The following RUBCN variants were observed in gnomAD, a reference collection of about 807,000 sequenced individuals.
The protein encoded by RUBCN is run domain Beclin-1-interacting and cysteine-rich domain-containing protein.
In RUBCN, 74 loss-of-function variants were observed where a neutral mutation model predicts 113.2. The observed-to-expected ratio is 0.65, with a 90% confidence interval of 0.54 to 0.79. The LOEUF is 0.79. Ranked by LOEUF, RUBCN falls within the 30% of genes least tolerant of loss-of-function variation. The pLI is 0.00. For synonymous variants in RUBCN, 480 were observed against 490.0 expected (o/e 0.98, Z 0.27); for missense variants, 1,109 against 1,251.7 (o/e 0.89, Z 1.72).
At position 197,718,027 on chromosome 3, in the gene RUBCN, G is replaced by T; in HGVS notation, c.169C>A (p.Leu57Ile). The T allele has an allele frequency of 6.2e-7, 1 of 1,614,186 alleles. No individual in the cohort carries two copies. The highest frequency in any genetic ancestry group is 8.5e-7 in the Non-Finnish European group (1 of 1,180,038). ...AGGATGCTCTGCATGTCCCTGCAAA[G>T]CCGCTCCAAGCCACCATACTTAGAC... ...VWSKYGGLERLCRDMQSILYH... is the reference protein window; with the variant it reads ...VWSKYGGLERICRDMQSILYH... Residue 57 changes from leucine (L) to isoleucine (I), a missense_variant, in exon 2 of 20, where the codon CTT becomes ATT. Leu to Ile is a conservative substitution (Grantham distance 5, BLOSUM62 2). Transcript: ENST00000296343.
At chr3:197,719,665 T>C (rs1443835790) in intron 1 of RUBCN, among the ~76,000 whole-genome samples, 1 of 152,112 alleles carries the variant, frequency 6.6e-6, no homozygotes, top group African/African-American at 2.4e-5. Flanking sequence ...CAATGAAGTG[T>C]CCCTAAGGTG....
chr3:197,749,394 C>T (rs1728904170), exon 1 of RUBCN: 6 of 1,191,152 alleles, frequency 5.0e-6, no homozygotes, highest in Non-Finnish European at 6.4e-6. Flanking sequence ...TAAGGTGACG[C>T]AGGAACCGTC....
intron 7 of RUBCN, 135 bp from the exon 8 acceptor site, chr3:197,697,184 CG>C (rs1723110251): frequency 1.5e-6 from 1 of 669,884 alleles, no homozygotes; most frequent in Non-Finnish European, 2.8e-6. Flanking sequence ...GGCACACCAA[CG>C]GAACAGCCCA....
intron 1 of RUBCN, among the ~76,000 whole-genome samples, chr3:197,732,951 T>C (rs1276967132): frequency 6.6e-6 from 1 of 152,204 alleles, no homozygotes; most frequent in Admixed American, 6.5e-5. Flanking sequence ...CGTATCAGGC[T>C]CTCAGGAGCT....
chr3:197,745,378 G>A (rs1485289939), intron 1 of RUBCN, among the ~76,000 whole-genome samples: 1 of 152,018 alleles, frequency 6.6e-6, no homozygotes, highest in Non-Finnish European at 1.5e-5. Context: ...CACTTTGGGA[G>A]GCTGAGGCGG....
At chr3:197,749,300 G>A in exon 1 of RUBCN, 1 of 1,129,616 alleles carries the variant, frequency 8.9e-7, no homozygotes, top group South Asian at 1.9e-5. Context: ...TCTTATTAGG[G>A]TAGTGAACAC....
chr3:197,729,738 T>C (rs1433628616), intron 1 of RUBCN, among the ~76,000 whole-genome samples: 1 of 151,986 alleles, frequency 6.6e-6, no homozygotes, highest in Admixed American at 6.6e-5. Context: ...TTTGTATTTT[T>C]AGTAGAGACA....
At position 197,704,771 on chromosome 3, in the gene RUBCN, C is replaced by T. The variant is rs1238876404; in HGVS notation, c.304-70G>A. On this transcript the variant is annotated intron_variant, in intron 3 of 19. Coordinates refer to ENST00000296343, the MANE Select transcript of RUBCN (RefSeq NM_014687.4). ...TACGGCAAGATTGAGGCCTAATGACCTGAGAACTAAATTGAGACAGGTAAG... is the reference window on the plus strand; with the variant it reads ...TACGGCAAGATTGAGGCCTAATGACTTGAGAACTAAATTGAGACAGGTAAG... 1.9e-5 allele frequency: 28 copies of T among 1,487,482 alleles called. 1 individual carries two copies. The South Asian group carries it at 2.2e-4, about 12-fold the overall frequency. 92.1% of individuals were successfully genotyped at this position (1,487,482 alleles called of 1,614,324 possible).
chr3:197,721,593 T>C (rs927365129), intron 1 of RUBCN, among the ~76,000 whole-genome samples: 4 of 152,126 alleles, frequency 2.6e-5, no homozygotes, highest in African/African-American at 7.2e-5. Context: ...CTCTATTTCA[T>C]TTATTTCTGC....
Position 197,704,699 on chromosome 3 carries a change from G to T in RUBCN, c.306C>A (p.Phe102Leu), listed in dbSNP as rs1233396639. The T allele has an allele frequency of 4.3e-6, 7 of 1,613,496 alleles. No homozygotes were observed. The highest frequency in any genetic ancestry group is 3.3e-5 in the Admixed American group (2 of 59,996). Residue 102 changes from phenylalanine to leucine, a missense_variant and splice_region_variant, in exon 4 of 20, where the codon TTC becomes TTA. Phe to Leu is a conservative substitution (Grantham distance 22, BLOSUM62 0). Coordinates refer to ENST00000296343, the MANE Select transcript of RUBCN (RefSeq NM_014687.4). Reference protein sequence around the residue: ...SPHSALHVEKFISVHENDQSS... With the variant: ...SPHSALHVEKLISVHENDQSS... ...TCTGGTCGTTCTCGTGCACGCTGAT[G>T]AACTGGGAAGCAAAGGGGCATGAGT...
intron 9 of RUBCN, 73 bp downstream of exon 9, chr3:197,695,793 A>G: frequency 7.4e-7 from 1 of 1,350,736 alleles, no homozygotes; most frequent in South Asian, 1.2e-5. Context: ...CCTCATCAGA[A>G]CAAATGGCAC....
chr3:197,703,718 G>A lies in RUBCN; in HGVS notation c.464-64C>T, dbSNP rs1462793360. The stretch of plus-strand genomic sequence containing the variant: ...AGGGAGGCCTTGAGAGAAGCTTGAG[G>A]AAGCAGAAAGGGAGAGGTAAGGATG... On this transcript the variant is annotated intron_variant, in intron 4 of 19. Transcript: ENST00000296343. 8.1e-6 allele frequency: 8 copies of A among 982,808 alleles called. No individual in the cohort carries two copies. In the Admixed American group the frequency reaches 9.5e-5, roughly 12 times the overall value. The allele number at this position is 982,808 out of a possible 1,614,324, so 60.9% of individuals were successfully genotyped here. A position where few individuals can be genotyped will look rare whatever the true frequency, so the allele number is the denominator to read the frequency against.
intron 1 of RUBCN, chr3:197,748,181 G>C (rs1359055824): frequency 1.3e-5 from 2 of 151,698 alleles, no homozygotes; most frequent in Non-Finnish European, 2.9e-5. Flanking sequence ...CCTGACCTCA[G>C]GTGATCCGCC....
rs538075056 is a variant in RUBCN, at chr3:197,681,288, G to A, written c.2271C>T (p.Ala757=). The A allele has an allele frequency of 4.3e-6, 7 of 1,614,214 alleles. No homozygotes were observed. In the South Asian group the frequency reaches 6.6e-5, roughly 15 times the overall value. ...CQCCHENAQM[A]IPSRVLRKWD... ...ACTTGCGCAGAACCCGGCTGGGGAT[G>A]GCCATCTGGGCATTCTCGTGGCAGC... Residue 757 remains alanine (A), a synonymous_variant, in exon 16 of 20, where the codon GCC becomes GCT. Coordinates refer to ENST00000296343, the MANE Select transcript of RUBCN (RefSeq NM_014687.4). This position sits in a 1 kb window ranked among gnomAD's most constrained non-coding sequence, Gnocchi z 5.5.
chr3:197,716,057 G>A lies in RUBCN; in HGVS notation c.219+1920C>T, dbSNP rs149970256. ...CAATTAATTATCACTAGAACACACT[G>A]GCTTCTAGACAAAAGGATTTCCCAC... On this transcript the variant is annotated intron_variant, in intron 2 of 19. Coordinates refer to ENST00000296343, the MANE Select transcript of RUBCN (RefSeq NM_014687.4). Among the ~76,000 whole-genome samples, 772 of 152,178 alleles carry A rather than the reference G, an allele frequency of 5.1e-3. 6 individuals are homozygous for A. The highest frequency in any genetic ancestry group is 0.017 in the South Asian group (83 of 4,818).
intron 5 of RUBCN, 64 bp from the exon 6 acceptor site, chr3:197,701,928 G>A (rs755694871): frequency 6.1e-6 from 9 of 1,477,764 alleles, no homozygotes; most frequent in Non-Finnish European, 8.4e-6. Context: ...CAGAGTGGGG[G>A]CAACGCAGTA....
chr3:197,675,387 A>C lies in RUBCN; in HGVS notation c.2740+35T>G. ...TGGGGAATCAAGGAGCCCTGTGTTC[A>C]GGCTCACTTGCCCGATGCCTGCACC... On this transcript the variant is annotated intron_variant, in intron 19 of 19. Coordinates refer to ENST00000296343, the MANE Select transcript of RUBCN (RefSeq NM_014687.4). This position sits in a 1 kb window ranked among gnomAD's most constrained non-coding sequence, Gnocchi z 4.4. 6.3e-7 allele frequency: 1 copy of C among 1,580,140 alleles called. No individual in the cohort carries two copies. The highest frequency in any genetic ancestry group is 8.7e-7 in the Non-Finnish European group (1 of 1,150,266).
At chr3:197,733,983 C>T (rs980455293) in intron 1 of RUBCN, among the ~76,000 whole-genome samples, 2 of 152,102 alleles carry the variant, frequency 1.3e-5, no homozygotes, top group African/African-American at 2.4e-5. Context: ...GGGCCGGGCA[C>T]GGTGGTTCAC....
chr3:197,718,757 A>G (rs1489122913), intron 1 of RUBCN, among the ~76,000 whole-genome samples: 4 of 152,196 alleles, frequency 2.6e-5, no homozygotes, highest in African/African-American at 9.6e-5. Context: ...ATTTCTTAAC[A>G]ATGACAGTAC....
Sources: allele counts gnomAD v4.1 joint callset (sites outside exome capture counted in the v4.1 genomes callset), GRCh38; gene constraint gnomAD v4.1.1; non-coding constraint Gnocchi (gnomAD v3.1); transcripts MANE v1.5; gene names NCBI Gene and HGNC (gene_info 2026-07-23, HGNC 2026-07-21).